SLCO1B1: variants seen among roughly 807,000 people sequenced by gnomAD.
SLCO1B1 encodes the protein OATP-2.
SLCO1B1 carries 81 observed loss-of-function variants against 70.1 expected under a neutral mutation model. The ratio of observed to expected loss-of-function variants is 1.16; its 90% CI spans 0.97 to 1.39. SLCO1B1 has a LOEUF of 1.39. Ranked by LOEUF, SLCO1B1 falls within the 40% of genes most tolerant of loss-of-function variation. The probability of loss-of-function intolerance (pLI) is 0.00; values close to 1 mark genes in which losing one functional copy is unlikely to be tolerated. For synonymous variants in SLCO1B1, 283 were observed against 271.5 expected, an observed-to-expected ratio of 1.04 and a Z score of -0.42; for missense variants, 895 against 799.6, an observed-to-expected ratio of 1.12 and a Z score of -1.44.
Position 21,239,229 on chromosome 12 carries a change from C to G in SLCO1B1, c.*40C>G, listed in dbSNP as rs79775553. ...CCACTTCTGCTTCTGTGTTTCCAAA[C>G]AGCATTGCATTGATTCAGTAAGATG... On this transcript the variant is annotated 3_prime_UTR_variant, in exon 15 of 15. Transcript: ENST00000256958. 3.4e-4 allele frequency: 454 copies of G among 1,351,116 alleles called. No homozygotes were observed. In the East Asian group the frequency reaches 9.7e-3, roughly 29 times the overall value. 83.7% of individuals were successfully genotyped at this position (1,351,116 alleles called of 1,614,324 possible).
intron 2 of SLCO1B1, among the ~76,000 whole-genome samples, chr12:21,150,105 C>G (rs1301401444): frequency 2.6e-5 from 4 of 152,156 alleles, no homozygotes; most frequent in African/African-American, 7.2e-5. Flanking sequence ...GAGCCCACCG[C>G]AGCTCCACAA....
chr12:21,212,327 T>G (rs2121168997), intron 11 of SLCO1B1, among the ~76,000 whole-genome samples: 1 of 89,804 alleles, frequency 1.1e-5, no homozygotes, highest in East Asian at 4.7e-4. Flanking sequence ...ATGTACCCAG[T>G]AGTCATTCAG....
chr12:21,200,258 C>G (rs575972126), intron 8 of SLCO1B1, among the ~76,000 whole-genome samples: 1 of 152,156 alleles, frequency 6.6e-6, no homozygotes, highest in African/African-American at 2.4e-5. Flanking sequence ...AGTTACAAAA[C>G]AGCACTTACG....
At chr12:21,209,666 G>T in intron 11 of SLCO1B1, among the ~76,000 whole-genome samples, 1 of 151,454 alleles carries the variant, frequency 6.6e-6, no homozygotes. Flanking sequence ...CTAGTTTACA[G>T]TCCCACCAAC....
At chr12:21,222,078 C>T (rs1410289323) in intron 12 of SLCO1B1, among the ~76,000 whole-genome samples, 5 of 151,736 alleles carry the variant, frequency 3.3e-5, no homozygotes, top group African/African-American at 1.2e-4. Context: ...TATTTTAAGC[C>T]ATCTTGAAAT....
At chr12:21,208,462 T>A (rs1183334434) in intron 11 of SLCO1B1, among the ~76,000 whole-genome samples, 4 of 152,084 alleles carry the variant, frequency 2.6e-5, no homozygotes, top group African/African-American at 9.7e-5. Context: ...TGCTTCTGGG[T>A]TCTCTATTCT....
At chr12:21,189,142 C>T (rs1415634042) in intron 7 of SLCO1B1, among the ~76,000 whole-genome samples, 2 of 152,126 alleles carry the variant, frequency 1.3e-5, no homozygotes, top group Non-Finnish European at 2.9e-5. Context: ...AGTGGGATTG[C>T]TGGGTCATAT....
intron 2 of SLCO1B1, among the ~76,000 whole-genome samples, chr12:21,164,149 A>G (rs1357478458): frequency 1.3e-5 from 2 of 152,104 alleles, no homozygotes; most frequent in Non-Finnish European, 2.9e-5. Flanking sequence ...GAATTGTACA[A>G]TCATTCCTTA....
chr12:21,196,965 T>C lies in SLCO1B1; in HGVS notation c.747T>C (p.Pro249=). 1.2e-6 allele frequency: 2 copies of C among 1,613,576 alleles called. No individual in the cohort carries two copies. The highest frequency in any genetic ancestry group is 8.5e-7 in the Non-Finnish European group (1 of 1,179,572). Residue 249 remains proline (P), a synonymous_variant, in exon 8 of 15, where the codon CCT becomes CCC. Coordinates refer to ENST00000256958, the MANE Select transcript of SLCO1B1 (RefSeq NM_006446.5). ...TTCTAGGCACTATCAGGATAACTCCTACTGATTCTCGATGGGTTGGAGCTT... is the reference window on the plus strand; with the variant it reads ...TTCTAGGCACTATCAGGATAACTCCCACTGATTCTCGATGGGTTGGAGCTT... ...YVDLSTIRIT[P]TDSRWVGAWW...
In SLCO1B1 at chr12:21,178,914, A is replaced by G; in HGVS notation, c.629-8A>G. On this transcript the variant is annotated splice_region_variant and splice_polypyrimidine_tract_variant and intron_variant, in intron 6 of 14. Transcript: ENST00000256958. Reference sequence around the variant, plus strand: ...GCATCTAGTAAAATTGCTTTATAATATTTTCAGGTATATTGAATGCAATAG... The same window carrying G: ...GCATCTAGTAAAATTGCTTTATAATGTTTTCAGGTATATTGAATGCAATAG... 1.3e-6 allele frequency: 2 copies of G among 1,593,062 alleles called. No homozygotes were observed. Among genetic ancestry groups the G allele is most frequent in the African/African-American group, 1.3e-5 (1 of 74,520 alleles).
In SLCO1B1 at chr12:21,217,283, A is replaced by C. The variant is rs770996480; in HGVS notation, c.1662A>C (p.Ser554=). 6.2e-7 allele frequency: 1 copy of C among 1,613,710 alleles called. No individual in the cohort carries two copies. Among genetic ancestry groups the C allele is most frequent in the Non-Finnish European group, 8.5e-7 (1 of 1,179,702 alleles). ...TTTTCTCTGCACTTGGAGGCACCTCACATGTCATGCTGATTGTTAAGTAAG... is the reference window on the plus strand; with the variant it reads ...TTTTCTCTGCACTTGGAGGCACCTCCCATGTCATGCTGATTGTTAAGTAAG... The part of the protein sequence containing the change: ...NLFFSALGGT[S]HVMLIVKIVQ... The change falls in exon 12 of 15, where the codon TCA becomes TCC. Residue 554 remains serine (S), a synonymous_variant. Transcript: ENST00000256958.
At chr12:21,153,024 T>C (rs1940494840) in intron 2 of SLCO1B1, among the ~76,000 whole-genome samples, 1 of 152,200 alleles carries the variant, frequency 6.6e-6, no homozygotes, top group Non-Finnish European at 1.5e-5. Context: ...TTCTACCTTG[T>C]CACTGGTTCC....
At chr12:21,202,891 T>A (rs949654616) in intron 10 of SLCO1B1, among the ~76,000 whole-genome samples, 1 of 152,126 alleles carries the variant, frequency 6.6e-6, no homozygotes, top group East Asian at 1.9e-4. Flanking sequence ...GCAACATAGG[T>A]TGTAATAATA....
At chr12:21,142,406 C>G (rs1349079526) in intron 2 of SLCO1B1, among the ~76,000 whole-genome samples, 6 of 151,882 alleles carry the variant, frequency 4.0e-5, no homozygotes, top group Non-Finnish European at 7.4e-5. Flanking sequence ...ATTGAAAACC[C>G]TGGAACCCAA....
At chr12:21,231,006 T>C (rs1421044571) in intron 14 of SLCO1B1, among the ~76,000 whole-genome samples, 1 of 120,202 alleles carries the variant, frequency 8.3e-6, no homozygotes, top group Non-Finnish European at 1.6e-5. Flanking sequence ...CAGTGTGTGA[T>C]GTTCCCCTTC....
At chr12:21,222,119 T>A (rs1941429114) in intron 12 of SLCO1B1, among the ~76,000 whole-genome samples, 181 bp from the exon 13 acceptor site, 1 of 151,788 alleles carries the variant, frequency 6.6e-6, no homozygotes, top group Admixed American at 6.6e-5. Flanking sequence ...AGGGAATAAT[T>A]ATTATTATTG....
At chr12:21,136,539 C>T (rs1221377431) in intron 1 of SLCO1B1, among the ~76,000 whole-genome samples, 2 of 152,092 alleles carry the variant, frequency 1.3e-5, no homozygotes, top group African/African-American at 2.4e-5. Flanking sequence ...TCTTTTTATT[C>T]TTTTTTCTCT....
intron 14 of SLCO1B1, among the ~76,000 whole-genome samples, chr12:21,233,387 C>T (rs1941561854): frequency 6.6e-6 from 1 of 152,010 alleles, no homozygotes; most frequent in Admixed American, 6.6e-5. Flanking sequence ...CCTTCCAAAC[C>T]ACGACTTCTA....
intron 14 of SLCO1B1, among the ~76,000 whole-genome samples, chr12:21,235,578 T>C (rs1941589205): frequency 6.6e-6 from 1 of 151,826 alleles, no homozygotes; most frequent in Non-Finnish European, 1.5e-5. Context: ...ATTTTGTACC[T>C]CTCATACTGT....
Sources: gnomAD v4.1 joint callset for allele counts (sites outside exome capture counted in the v4.1 genomes callset) on GRCh38, gnomAD v4.1.1 for gene constraint, MANE v1.5 for transcripts, NCBI Gene and HGNC (gene_info 2026-07-23, HGNC 2026-07-21) for gene names.